Variants in PPP4R4 observed in about 807,000 individuals in gnomAD.
PPP4R4 encodes the protein serine/threonine-protein phosphatase 4 regulatory subunit 4.
PPP4R4 carries 70 observed loss-of-function variants against 121.8 expected under a neutral mutation model. That is an observed-to-expected ratio of 0.57 (90% CI 0.47 to 0.70). PPP4R4 has a LOEUF of 0.70. PPP4R4 is among the 30% of genes least tolerant of loss of function. The probability of loss-of-function intolerance (pLI) is 0.00; values close to 1 mark genes in which losing one functional copy is unlikely to be tolerated. For missense variants in PPP4R4, 875 were observed against 1,033.6 expected, an observed-to-expected ratio of 0.85 and a Z score of 2.10; for synonymous variants, 348 against 355.7, an observed-to-expected ratio of 0.98 and a Z score of 0.24.
At chr14:94,180,746 G>A (rs957420530) in intron 2 of PPP4R4, among the ~76,000 whole-genome samples, 3 of 151,846 alleles carry the variant, frequency 2.0e-5, no homozygotes, top group African/African-American at 7.3e-5. Context: ...CTGAATAGCT[G>A]GGACTACAGA....
rs1430127779 is a variant in PPP4R4, at chr14:94,265,721, G to C, written c.2285-73G>C. ...TGTTTTACTGAAAATGATGGTAGTT[G>C]GGGAGGGAATGGGGGTTGGAGCAGC... On this transcript the variant is annotated intron_variant, in intron 21 of 24. Transcript: ENST00000304338. 11 of 1,097,896 alleles carry C rather than the reference G, an allele frequency of 1.0e-5. No homozygotes were observed. In the Admixed American group the frequency reaches 2.2e-4, roughly 22 times the overall value. The allele number at this position is 1,097,896 out of a possible 1,614,324, so 68.0% of individuals were successfully genotyped here.
At chr14:94,216,783 C>A (rs1026379378) in intron 3 of PPP4R4, among the ~76,000 whole-genome samples, 11 of 152,112 alleles carry the variant, frequency 7.2e-5, no homozygotes, top group African/African-American at 2.4e-4. Flanking sequence ...GGAGCAAAAC[C>A]CACTTGCTTC....
rs117254810 is a variant in PPP4R4 at position 94,183,569 on chromosome 14, G to A, written c.191+7442G>A. ...TTTGTTATGAGAACAACCATGGGAG[G>A]CATCTGTGTCTTTTTTCCTACTTAC... On this transcript the variant is annotated intron_variant, in intron 2 of 24. Coordinates refer to ENST00000304338, the MANE Select transcript of PPP4R4 (RefSeq NM_058237.2). 1.8e-3 allele frequency among the ~76,000 whole-genome samples: 272 copies of A among 152,274 alleles called. 3 individuals carry two copies. The South Asian group carries it at 0.029, about 16-fold the overall frequency.
intron 14 of PPP4R4, among the ~76,000 whole-genome samples, chr14:94,248,835 T>G (rs537429428): frequency 8.7e-4 from 132 of 152,328 alleles, no homozygotes; most frequent in African/African-American, 3.0e-3. Context: ...GATGAATTCT[T>G]AATTTTTTCC....
chr14:94,246,578 T>C (rs1305448385), intron 14 of PPP4R4, 39 bp downstream of exon 14: 2 of 1,548,254 alleles, frequency 1.3e-6, no homozygotes, highest in African/African-American at 2.7e-5. Context: ...TTTGAACTCA[T>C]GGTTGGTTCT....
chr14:94,274,082 T>A (rs1894500685), intron 23 of PPP4R4, among the ~76,000 whole-genome samples: 1 of 152,096 alleles, frequency 6.6e-6, no homozygotes, highest in Non-Finnish European at 1.5e-5. Context: ...CTCCCACTTA[T>A]AAGTGAAAAC....
At chr14:94,222,381 T>G (rs1023398635) in intron 3 of PPP4R4, among the ~76,000 whole-genome samples, 1 of 151,934 alleles carries the variant, frequency 6.6e-6, no homozygotes, top group Admixed American at 6.6e-5. Context: ...TCGAATTTCA[T>G]TGGTATTTTT....
Position 94,224,988 on chromosome 14 carries a change from T to C in PPP4R4, c.295-5599T>C, listed in dbSNP as rs1891617625. 2.6e-5 allele frequency among the ~76,000 whole-genome samples: 4 copies of C among 152,298 alleles called. No homozygotes were observed. In the South Asian group the frequency reaches 8.3e-4, roughly 32 times the overall value. On this transcript the variant is annotated intron_variant, in intron 3 of 24. Transcript: ENST00000304338. ...GTTCTTGATTACTTCTAACGTATTG[T>C]TAGAAAACAATCAGTTGATCTGTGT...
At chr14:94,258,760 A>G in intron 17 of PPP4R4, 23 bp from the exon 18 acceptor site, 1 of 1,512,272 alleles carries the variant, frequency 6.6e-7, no homozygotes, top group East Asian at 2.3e-5. Context: ...ACTTTAGAAT[A>G]ATTTTAAAAA....
At chr14:94,264,818 A>G in intron 19 of PPP4R4, 60 bp from the exon 20 acceptor site, 2 of 1,293,084 alleles carry the variant, frequency 1.5e-6, no homozygotes, top group Non-Finnish European at 1.1e-6. Context: ...AATTTCTCAG[A>G]ACAATTTTCT....
At chr14:94,192,672 A>G (rs1889662639) in intron 2 of PPP4R4, among the ~76,000 whole-genome samples, 2 of 152,196 alleles carry the variant, frequency 1.3e-5, no homozygotes. Context: ...GATATCCTGC[A>G]CATAGTTGAA....
chr14:94,174,555 C>T lies in PPP4R4; in HGVS notation c.90C>T (p.Ile30=). 5 of 1,612,276 alleles carry T rather than the reference C, an allele frequency of 3.1e-6. No homozygotes were observed. The highest frequency in any genetic ancestry group is 1.1e-5 in the South Asian group (1 of 91,060). The change falls in exon 1 of 25, where the codon ATC becomes ATT. Residue 30 remains isoleucine, a synonymous_variant. Coordinates refer to ENST00000304338, the MANE Select transcript of PPP4R4 (RefSeq NM_058237.2). ...YMEDLQELTI[I]ERPVRRSLKT... is the part of the protein sequence containing the mutation. Reference sequence around the variant, plus strand: ...AGGACCTGCAGGAGCTCACCATCATCGAGAGGCCGGTCCGCCGGAGCCTCA... The same window carrying T: ...AGGACCTGCAGGAGCTCACCATCATTGAGAGGCCGGTCCGCCGGAGCCTCA...
rs780251794 is a variant in PPP4R4 at position 94,275,434 on chromosome 14, C to T, written c.2510C>T (p.Pro837Leu). The change falls in exon 24 of 25, where the codon CCC becomes CTC. Residue 837 changes from proline (P) to leucine (L), a missense_variant. By Grantham distance (98) the Pro-to-Leu change is moderately conservative. Coordinates refer to ENST00000304338, the MANE Select transcript of PPP4R4 (RefSeq NM_058237.2). The stretch of plus-strand genomic sequence containing the variant: ...CCATCTTCCTTTTCTCCTAATACTC[C>T]CTTACCGAGTACTTCCCGTGGGACA... ...SVPSSFSPNT[P>L]LPSTSRGTGN... 1.4e-5 allele frequency: 22 copies of T among 1,613,906 alleles called. No homozygotes were observed. Among genetic ancestry groups the T allele is most frequent in the Non-Finnish European group, 1.9e-5 (22 of 1,179,830 alleles).
intron 21 of PPP4R4, 95 bp downstream of exon 21, chr14:94,265,568 A>G: frequency 1.8e-6 from 2 of 1,093,096 alleles, no homozygotes; most frequent in Non-Finnish European, 2.7e-6. Flanking sequence ...ATACAGTAGG[A>G]TAATATATCT....
At chr14:94,245,268 A>G (rs1202443157) in intron 12 of PPP4R4, among the ~76,000 whole-genome samples, 2 of 152,184 alleles carry the variant, frequency 1.3e-5, no homozygotes, top group African/African-American at 4.8e-5. Flanking sequence ...AATATTATCC[A>G]ATTTAAACAA....
At chr14:94,184,708 A>G (rs1307469460) in intron 2 of PPP4R4, among the ~76,000 whole-genome samples, 4 of 152,188 alleles carry the variant, frequency 2.6e-5, no homozygotes, top group Admixed American at 1.3e-4. Context: ...GAAAGCATAG[A>G]GAAAGTGTTT....
chr14:94,259,423 T>A, intron 19 of PPP4R4, 54 bp downstream of exon 19: 2 of 1,445,022 alleles, frequency 1.4e-6, no homozygotes, highest in Non-Finnish European at 1.8e-6. Flanking sequence ...AATAACTGTG[T>A]TTTTTTATTA....
At chr14:94,191,915 A>G (rs1186276052) in intron 2 of PPP4R4, among the ~76,000 whole-genome samples, 1 of 152,154 alleles carries the variant, frequency 6.6e-6, no homozygotes, top group Non-Finnish European at 1.5e-5. Context: ...GCTATAGGCT[A>G]TGGACTGAGA....
intron 8 of PPP4R4, among the ~76,000 whole-genome samples, chr14:94,238,942 C>T (rs1892483893): frequency 6.6e-6 from 1 of 152,186 alleles, no homozygotes; most frequent in Non-Finnish European, 1.5e-5. Context: ...CATCCCCAGG[C>T]TCCAAACTAG....
Sources: allele counts gnomAD v4.1 joint callset (sites outside exome capture counted in the v4.1 genomes callset), GRCh38; gene constraint gnomAD v4.1.1; transcripts MANE v1.5; gene names NCBI Gene and HGNC (gene_info 2026-07-23, HGNC 2026-07-21).